The following GGT1 variants were observed in gnomAD, a reference collection of about 807,000 sequenced individuals.
GGT1 encodes gamma-glutamyltransferase 1, also known as glutathione hydrolase 1 proenzyme.
Under a neutral mutation model 56.0 loss-of-function variants are expected in GGT1, and 21 were observed. The observed-to-expected ratio is 0.38, with a 90% CI of 0.27 to 0.54. GGT1 has a LOEUF of 0.54. GGT1 is among the 20% of genes least tolerant of loss of function. The pLI, the probability that GGT1 is intolerant of heterozygous loss-of-function variation, is 0.82. For synonymous variants in GGT1, 238 were observed against 342.6 expected (o/e 0.69, Z 3.37); for missense variants, 466 against 787.0 (o/e 0.59, Z 4.88).
the GGT1 span, chr22:24,589,266 C>A: frequency 2.1e-5 from 26 of 1,261,606 alleles, no homozygotes; most frequent in Admixed American, 5.9e-4. Context: ...TTCTGGGCAG[C>A]TGTGGGGTGG....
rs771073680 is a variant in GGT1, at chr22:24,628,060, G to A, written c.1337-21G>A. Reference sequence around the variant, plus strand: ...GGGCAGGCAGCTGACGGGCATCCCTGTCTTCTCCCATCGGCCGCAGGGAAG... The same window carrying A: ...GGGCAGGCAGCTGACGGGCATCCCTATCTTCTCCCATCGGCCGCAGGGAAG... On this transcript the variant is annotated intron_variant, in intron 13 of 15. Coordinates refer to ENST00000400382, the MANE Select transcript of GGT1 (RefSeq NM_001288833.2). The surrounding 1 kb of genome is among the most constrained non-coding windows in gnomAD (Gnocchi z 5.7). The A allele has an allele frequency of 6.2e-7, 1 of 1,611,666 alleles. No individual in the cohort carries two copies. Among genetic ancestry groups the A allele is most frequent in the East Asian group, 2.2e-5 (1 of 44,858 alleles).
upstream of GGT1, chr22:24,599,325 G>C (rs1202268253): frequency 1.3e-5 from 2 of 149,208 alleles, no homozygotes; most frequent in East Asian, 3.9e-4. Context: ...CTGGGAAGGA[G>C]CAAGAGGAAA....
intron 5 of GGT1, among the ~76,000 whole-genome samples, chr22:24,612,290 C>CT (rs200108141): frequency 1.4e-4 from 9 of 62,912 alleles, no homozygotes; most frequent in Middle Eastern, 0.016. Context: ...TTCTTTCTTT[C>CT]TTTTTTTTTA....
chr22:24,595,705 A>G (rs2045681648), intron 1 of GGT1, among the ~76,000 whole-genome samples: 1 of 152,198 alleles, frequency 6.6e-6, no homozygotes, highest in Non-Finnish European at 1.5e-5. Flanking sequence ...GATGACAGCC[A>G]CACCTTTGGA....
At chr22:24,592,630 T>C (rs981970317), upstream of GGT1, 13 of 604,510 alleles carry the variant, frequency 2.2e-5, no homozygotes, top group Non-Finnish European at 3.5e-5. Flanking sequence ...CTCCACACGG[T>C]CCGCCGACCT....
At chr22:24,611,558 CT>C (rs1320500218) in intron 5 of GGT1, among the ~76,000 whole-genome samples, 143 of 129,432 alleles carry the variant, frequency 1.1e-3, no homozygotes, top group African/African-American at 3.5e-3. Flanking sequence ...ATCTATCTAT[CT>C]ATCTATCTAT....
chr22:24,593,679 C>T (rs959286371), upstream of GGT1, among the ~76,000 whole-genome samples: 6 of 151,486 alleles, frequency 4.0e-5, no homozygotes, highest in Non-Finnish European at 7.4e-5. Context: ...CCCAGCTATT[C>T]GGGAGGTTGA....
At chr22:24,593,110 T>A (rs1237915338), upstream of GGT1, 1 of 1,030,028 alleles carries the variant, frequency 9.7e-7, no homozygotes, top group Non-Finnish European at 1.2e-6. Flanking sequence ...GGGCCGCCCC[T>A]AGTCGCCCCG....
Position 24,615,091 on chromosome 22 carries a change from G to T in GGT1, c.346G>T (p.Ala116Ser), listed in dbSNP as rs753580291. The change falls in exon 7 of 16, where the codon GCC (alanine) becomes TCC (serine). Residue 116 changes from alanine to serine, a missense_variant. Transcript: ENST00000400382. ...CGAGGTGGCCCCCAGGCTGGCCTTT[G>T]CCACCATGTTCAACAGCTCGGAGCA... Reference protein sequence around the residue: ...AREVAPRLAFATMFNSSEQSQ... With the variant: ...AREVAPRLAFSTMFNSSEQSQ... The T allele has an allele frequency of 1.2e-6, 2 of 1,612,108 alleles. No individual in the cohort carries two copies. The highest frequency in any genetic ancestry group is 1.7e-6 in the Non-Finnish European group (2 of 1,179,784).
Position 24,613,405 on chromosome 22 carries a change from A to G in GGT1, c.165-1371A>G, listed in dbSNP as rs370406181. On this transcript the variant is annotated intron_variant, in intron 5 of 15. Transcript: ENST00000400382. ...AAAATGTTATTAATAAAGTATAGCA[A>G]TTTCCCTTTTTGTCCCAGTTATAAA... Among the ~76,000 whole-genome samples, 105 of 152,314 alleles carry G rather than the reference A, an allele frequency of 6.9e-4. 1 individual carries two copies. In the South Asian group the frequency reaches 0.021, roughly 31 times the overall value.
In GGT1 at chr22:24,621,039, G is replaced by C; in HGVS notation, c.702G>C (p.Thr234=). 7.5e-6 allele frequency: 12 copies of C among 1,599,998 alleles called. No homozygotes were observed. The highest frequency in any genetic ancestry group is 1.0e-5 in the Non-Finnish European group (12 of 1,173,620). ...GAQAFYNGSL[T]AQIVKDIQAA... is the part of the protein sequence containing the mutation. ...AGGCCTTCTACAACGGCAGCCTCAC[G>C]GCCCAGATTGTGAAGGACATCCAGG... The change falls in exon 9 of 16, where the codon ACG becomes ACC. Residue 234 remains threonine, a synonymous_variant. Coordinates refer to ENST00000400382, the MANE Select transcript of GGT1 (RefSeq NM_001288833.2).
chr22:24,628,343 C>T lies in GGT1; in HGVS notation c.1518C>T (p.Asn506=). The T allele has an allele frequency of 6.2e-7, 1 of 1,611,670 alleles. No homozygotes were observed. ...KRAVEEPRLH[N]QLLPNVTTVE... ...CCGTGGAGGAGCCCCGGCTGCACAA[C>T]CAGCTTCTGCCCAACGTCACGACAG... is the stretch of plus-strand genomic sequence containing the variant. The change falls in exon 15 of 16, where the codon AAC becomes AAT. Residue 506 remains asparagine (N), a synonymous_variant. Transcript: ENST00000400382. The surrounding 1 kb of genome is among the most constrained non-coding windows in gnomAD (Gnocchi z 5.7).
the GGT1 span, chr22:24,588,732 G>A: frequency 2.4e-5 from 25 of 1,054,554 alleles, no homozygotes; most frequent in East Asian, 7.2e-5. Flanking sequence ...CTCCACTGAC[G>A]CCAATCCCAG....
At chr22:24,593,226 C>T (rs183293135), upstream of GGT1, 3,575 of 463,884 alleles carry the variant, frequency 7.7e-3, 22 homozygotes, top group Non-Finnish European at 9.1e-3. Context: ...CCTGATCACA[C>T]TGGAGGAGGC....
intron 11 of GGT1, among the ~76,000 whole-genome samples, chr22:24,625,235 C>A (rs1470587261): frequency 6.6e-6 from 1 of 152,218 alleles, no homozygotes; most frequent in African/African-American, 2.4e-5. Context: ...AACCTGTTGT[C>A]CCTTCTCTTT....
chr22:24,592,246 G>T, upstream of GGT1: 1 of 460,948 alleles, frequency 2.2e-6, no homozygotes. Context: ...AGCCACCACC[G>T]GACCGAGTGT....
chr22:24,589,437 G>C, the GGT1 span: 5 of 932,296 alleles, frequency 5.4e-6, no homozygotes, highest in African/African-American at 9.0e-5. Context: ...CTCTCTTCTG[G>C]CCCAGGAATT....
At chr22:24,604,162 G>C (rs2045882345) in intron 1 of GGT1, among the ~76,000 whole-genome samples, 1 of 151,106 alleles carries the variant, frequency 6.6e-6, no homozygotes, top group Non-Finnish European at 1.5e-5. Flanking sequence ...TCATATCGAG[G>C]GATAGCGACT....
At chr22:24,605,333 TAATATGTATTATATATTA>T (rs2046072762) in intron 1 of GGT1, among the ~76,000 whole-genome samples, 1 of 61,832 alleles carries the variant, frequency 1.6e-5, no homozygotes, top group African/African-American at 7.6e-5. Context: ...ATATATTATA[TAATATGTATTATATATTA>T]TATAATATGT....
Sources: allele counts gnomAD v4.1 joint callset (sites outside exome capture counted in the v4.1 genomes callset), GRCh38; gene constraint gnomAD v4.1.1; non-coding constraint Gnocchi (gnomAD v3.1); transcripts MANE v1.5; gene names NCBI Gene and HGNC (gene_info 2026-07-23, HGNC 2026-07-21).